The following AR variants were observed in gnomAD, a reference collection of about 807,000 sequenced individuals.
AR encodes androgen receptor, also known as dihydrotestosterone receptor.
A neutral mutation model predicts 53.9 loss-of-function variants in AR; 8 were observed. The ratio of observed to expected loss-of-function variants is 0.15; its 90% CI spans 0.09 to 0.27. AR has a LOEUF of 0.27. AR is among the 10% of genes least tolerant of loss of function. The pLI is 1.00. For missense variants in AR, 639 were observed against 742.5 expected, an observed-to-expected ratio of 0.86 and a Z score of 1.62; for synonymous variants, 359 against 316.4, an observed-to-expected ratio of 1.13 and a Z score of -1.43.
In AR at chrX:67,729,166, T is replaced by G; in HGVS notation, c.*5325T>G. ...TGTGCTGTAATTCTGGTTTTGGATA[T>G]GTTCTGTAAAGATTTTGACAAATGA... is the stretch of plus-strand genomic sequence containing the variant. On this transcript the variant is annotated 3_prime_UTR_variant, in exon 8 of 8. Transcript: ENST00000374690. 1 of 176,020 alleles carries G rather than the reference T, an allele frequency of 5.7e-6. No homozygotes were observed. The highest frequency in any genetic ancestry group is 1.1e-5 in the Non-Finnish European group (1 of 91,636). The allele number at this position is 176,020 out of a possible 1,213,427, so 14.5% of individuals were successfully genotyped here.
At chrX:67,689,588 G>T in intron 3 of AR, 1 of 963,487 alleles carries the variant, frequency 1.0e-6, no homozygotes. Context: ...AATCTTGAGG[G>T]TGTTTGGAGT....
intron 1 of AR, among the ~76,000 whole-genome samples, chrX:67,589,239 C>T (rs1006828056): frequency 3.8e-5 from 4 of 104,214 alleles, no homozygotes; most frequent in South Asian, 4.6e-4. Flanking sequence ...GTCCGCAGTC[C>T]GGCCTGGGCG....
At chrX:67,605,031 T>C (rs2147380225) in intron 1 of AR, among the ~76,000 whole-genome samples, 2 of 112,605 alleles carry the variant, frequency 1.8e-5, no homozygotes, top group African/African-American at 6.4e-5. Flanking sequence ...AACCACTGGC[T>C]GAAGAAATTT....
At chrX:67,683,585 G>A (rs769888566) in intron 2 of AR, among the ~76,000 whole-genome samples, 119 of 112,751 alleles carry the variant, frequency 1.1e-3, no homozygotes, top group Middle Eastern at 4.6e-3. Context: ...CAAGGATTCA[G>A]ATGTTGGGGC....
chrX:67,655,177 T>C (rs1411010346), intron 2 of AR, among the ~76,000 whole-genome samples: 1 of 109,755 alleles, frequency 9.1e-6, no homozygotes, highest in East Asian at 2.9e-4. Flanking sequence ...TGTCCAAAGC[T>C]CCATCTGAAG....
At chrX:67,565,203 A>T (rs1035268834) in intron 1 of AR, among the ~76,000 whole-genome samples, 1 of 111,902 alleles carries the variant, frequency 8.9e-6, no homozygotes, top group Non-Finnish European at 1.9e-5. Flanking sequence ...TGGATCCATG[A>T]AGGATGCTTT....
intron 1 of AR, among the ~76,000 whole-genome samples, chrX:67,572,207 T>TG (rs2147347531): frequency 8.9e-6 from 1 of 111,995 alleles, no homozygotes; most frequent in South Asian, 3.7e-4. Context: ...CTGCAAACCC[T>TG]GGCCATTCTG....
chrX:67,607,970 C>T (rs984194144), intron 1 of AR, among the ~76,000 whole-genome samples: 1 of 111,666 alleles, frequency 9.0e-6, no homozygotes, highest in African/African-American at 3.3e-5. Flanking sequence ...AATTTGGGCC[C>T]GGGCCCCCAG....
rs1368122998 is a variant in AR, at chrX:67,729,668, T to C, written c.*5827T>C. On this transcript the variant is annotated 3_prime_UTR_variant, in exon 8 of 8. Coordinates refer to ENST00000374690, the MANE Select transcript of AR (RefSeq NM_000044.6). ...GGTGGCCCTTGTGACCTGAAACACT[T>C]CCCACATAAGCTACTTAACAAGATT... 1 of 172,490 alleles carries C rather than the reference T, an allele frequency of 5.8e-6. No homozygotes were observed. Among genetic ancestry groups the C allele is most frequent in the East Asian group, 8.2e-5 (1 of 12,237 alleles). 14.2% of individuals were successfully genotyped at this position (172,490 alleles called of 1,213,427 possible). A position where few individuals can be genotyped will look rare whatever the true frequency, so the allele number is the denominator to read the frequency against.
Position 67,551,866 on chromosome X carries a change from C to T in AR, c.1616+5104C>T, listed in dbSNP as rs144870393. The stretch of plus-strand genomic sequence containing the variant: ...TGCACACTCATGGGTGATGCTACTC[C>T]CTCTCTCTCATGGCAATTCTTGCTG... On this transcript the variant is annotated intron_variant, in intron 1 of 7. Transcript: ENST00000374690. Among the ~76,000 whole-genome samples the T allele has an allele frequency of 1.1e-3, 126 of 111,374 alleles. 1 individual carries two copies. The highest frequency in any genetic ancestry group is 1.1e-3 in the Non-Finnish European group (58 of 53,033).
At chrX:67,704,006 T>C (rs982579456) in intron 3 of AR, among the ~76,000 whole-genome samples, 3 of 112,233 alleles carry the variant, frequency 2.7e-5, no homozygotes, top group African/African-American at 9.7e-5. Flanking sequence ...TAGTATTCCA[T>C]GGTGTATATA....
intron 1 of AR, among the ~76,000 whole-genome samples, chrX:67,632,818 C>G (rs1021023925): frequency 8.9e-6 from 1 of 112,065 alleles, no homozygotes; most frequent in African/African-American, 3.2e-5. Context: ...ATATAAAGAA[C>G]TCTTGCAACT....
At position 67,724,136 on chromosome X, in the gene AR, G is replaced by T. The variant is rs781204248; in HGVS notation, c.*295G>T. 2.7e-4 allele frequency: 93 copies of T among 347,073 alleles called. No homozygotes were observed. Among genetic ancestry groups the T allele is most frequent in the African/African-American group, 2.2e-3 (86 of 38,245 alleles). The allele number at this position is 347,073 out of a possible 1,213,427, so 28.6% of individuals were successfully genotyped here. Reference sequence around the variant, plus strand: ...TGTTGTATGCCTTTAAATCTGTGATGATCCTCATATGGCCCAGTGTCAAGT... The same window carrying T: ...TGTTGTATGCCTTTAAATCTGTGATTATCCTCATATGGCCCAGTGTCAAGT... On this transcript the variant is annotated 3_prime_UTR_variant, in exon 8 of 8. Transcript: ENST00000374690.
chrX:67,590,838 G>A (rs1164413988), intron 1 of AR, among the ~76,000 whole-genome samples: 3 of 112,224 alleles, frequency 2.7e-5, no homozygotes, highest in African/African-American at 6.5e-5. Flanking sequence ...ATCTAAGATA[G>A]TGCTCCTGTA....
intron 2 of AR, among the ~76,000 whole-genome samples, chrX:67,671,101 C>T (rs768658106): frequency 8.9e-6 from 1 of 112,159 alleles, no homozygotes; most frequent in East Asian, 2.8e-4. Flanking sequence ...GATTTATAAT[C>T]TTTTGGGTAT....
At position 67,584,575 on chromosome X, in the gene AR, G is replaced by A. The variant is rs751854158; in HGVS notation, c.1616+37813G>A. 2.7e-5 allele frequency among the ~76,000 whole-genome samples: 3 copies of A among 111,924 alleles called. No individual in the cohort carries two copies. In the East Asian group the frequency reaches 8.5e-4, roughly 32 times the overall value. ...TTGTTTCTAAATAAGAGTTTATTGA[G>A]CCAAGCACTCAGTAAATGTTTGAAT... On this transcript the variant is annotated intron_variant, in intron 1 of 7. Transcript: ENST00000374690.
intron 1 of AR, among the ~76,000 whole-genome samples, chrX:67,626,123 T>C (rs1924622415): frequency 9.0e-6 from 1 of 111,306 alleles, no homozygotes; most frequent in African/African-American, 3.3e-5. Context: ...TACATTATTA[T>C]TGTAGTCATT....
chrX:67,706,809 A>G (rs964938762), intron 3 of AR, among the ~76,000 whole-genome samples: 4 of 111,983 alleles, frequency 3.6e-5, no homozygotes, highest in Non-Finnish European at 7.5e-5. Context: ...CCCTCTACAC[A>G]CTACTTTAAA....
chrX:67,592,543 C>T (rs1922880011), intron 1 of AR, among the ~76,000 whole-genome samples: 1 of 109,437 alleles, frequency 9.1e-6, no homozygotes, highest in Non-Finnish European at 1.9e-5. Flanking sequence ...TCTCTTCATA[C>T]ATTTGTCATT....
Sources: gnomAD v4.1 joint callset for allele counts (sites outside exome capture counted in the v4.1 genomes callset) on GRCh38, gnomAD v4.1.1 for gene constraint, MANE v1.5 for transcripts, NCBI Gene and HGNC (gene_info 2026-07-23, HGNC 2026-07-21) for gene names.